Variants in COL5A2 observed in about 807,000 individuals in gnomAD.
COL5A2 encodes collagen type V alpha 2 chain.
COL5A2 carries 23 observed loss-of-function variants against 208.2 expected under a neutral mutation model. That is an observed-to-expected ratio of 0.11 (90% confidence interval 0.08 to 0.16). The LOEUF is 0.16. COL5A2 is among the 10% of genes least tolerant of loss of function. The probability of loss-of-function intolerance (pLI) is 1.00; values close to 1 mark genes in which losing one functional copy is unlikely to be tolerated. For synonymous variants in COL5A2, 625 were observed against 628.5 expected (o/e 0.99, Z 0.08); for missense variants, 1,590 against 1,956.4 (o/e 0.81, Z 3.53).
At chr2:189,228,811 T>C (rs1398251091), upstream of COL5A2, among the ~76,000 whole-genome samples, 1 of 151,890 alleles carries the variant, frequency 6.6e-6, no homozygotes, top group African/African-American at 2.4e-5. Context: ...ACCCGTTTTA[T>C]GAAGCCAGCA....
chr2:189,222,017 T>G (rs939535795), intron 1 of COL5A2, among the ~76,000 whole-genome samples: 3 of 152,020 alleles, frequency 2.0e-5, no homozygotes, highest in Admixed American at 1.3e-4. Flanking sequence ...GTCACAGGCC[T>G]GAGGCCTCAA....
chr2:189,406,178 T>C, the COL5A2 span, among the ~76,000 whole-genome samples: 15 of 152,192 alleles, frequency 9.9e-5, no homozygotes, highest in Non-Finnish European at 1.8e-4. Flanking sequence ...CAGAAAAATA[T>C]CATTATCAAA....
the COL5A2 span, among the ~76,000 whole-genome samples, chr2:189,293,176 G>A: frequency 6.6e-6 from 1 of 151,922 alleles, no homozygotes; most frequent in Non-Finnish European, 1.5e-5. Context: ...AATGGGTGCA[G>A]CACACCAGCA....
chr2:189,077,016 T>C lies in COL5A2; in HGVS notation c.1059+1500A>G, dbSNP rs141756802. Among the ~76,000 whole-genome samples, 7 of 152,184 alleles carry C rather than the reference T, an allele frequency of 4.6e-5. No homozygotes were observed. The East Asian group carries it at 1.4e-3, about 29-fold the overall frequency. On this transcript the variant is annotated intron_variant, in intron 16 of 53. Transcript: ENST00000374866. ...AGGAGTTCAAGGCTACAGTGAGCTATGATTGTGCCACTGCCCTGTAGCCTG... is the reference window on the plus strand; with the variant it reads ...AGGAGTTCAAGGCTACAGTGAGCTACGATTGTGCCACTGCCCTGTAGCCTG...
chr2:189,341,987 T>A, the COL5A2 span, among the ~76,000 whole-genome samples: 2 of 152,134 alleles, frequency 1.3e-5, no homozygotes, highest in Non-Finnish European at 2.9e-5. Context: ...CTCAAATTAT[T>A]GATTGAACTG....
At chr2:189,372,315 C>A in the COL5A2 span, among the ~76,000 whole-genome samples, 1 of 152,058 alleles carries the variant, frequency 6.6e-6, no homozygotes, top group Non-Finnish European at 1.5e-5. Context: ...CCAGTAGTAC[C>A]GGATGATCAT....
At chr2:189,037,833 T>C (rs1685474048) in intron 51 of COL5A2, among the ~76,000 whole-genome samples, 1 of 152,200 alleles carries the variant, frequency 6.6e-6, no homozygotes, top group Non-Finnish European at 1.5e-5. Flanking sequence ...TCCAGCAATA[T>C]GTTAACATTA....
chr2:189,169,577 T>C (rs555940778), intron 1 of COL5A2, among the ~76,000 whole-genome samples: 1 of 152,326 alleles, frequency 6.6e-6, no homozygotes, highest in Non-Finnish European at 1.5e-5. Flanking sequence ...GAATAAAATA[T>C]AAAAATTGCA....
At position 189,054,220 on chromosome 2, in the gene COL5A2, T is replaced by G; in HGVS notation, c.2392-8A>C. ...CAAAGGACCTGGAAGACCCTGTCAA[T>G]TAACAGAACATAGGCATATTGAGGT... On this transcript the variant is annotated splice_region_variant and splice_polypyrimidine_tract_variant and intron_variant, in intron 35 of 53. Transcript: ENST00000374866. 1 of 1,612,246 alleles carries G rather than the reference T, an allele frequency of 6.2e-7. No individual in the cohort carries two copies. Among genetic ancestry groups the G allele is most frequent in the South Asian group, 1.1e-5 (1 of 91,070 alleles).
chr2:189,110,488 A>C, intron 1 of COL5A2, 39 bp from the exon 2 acceptor site: 1 of 1,572,992 alleles, frequency 6.4e-7, no homozygotes. Flanking sequence ...GTAATCTGAA[A>C]TTATAGAATT....
Position 189,060,792 on chromosome 2 carries a change from A to G in COL5A2, c.2032-9T>C. 1 of 1,611,246 alleles carries G rather than the reference A, an allele frequency of 6.2e-7. No individual in the cohort carries two copies. The highest frequency in any genetic ancestry group is 8.5e-7 in the Non-Finnish European group (1 of 1,177,478). ...GGAGGACCAGGAAGCCCCTAAAACA[A>G]AAGTAAGAAAATAAAATTGTGAATC... is the stretch of plus-strand genomic sequence containing the variant. On this transcript the variant is annotated splice_polypyrimidine_tract_variant and intron_variant, in intron 30 of 53. Transcript: ENST00000374866.
At chr2:189,375,180 C>T in the COL5A2 span, among the ~76,000 whole-genome samples, 6 of 151,894 alleles carry the variant, frequency 4.0e-5, no homozygotes, top group African/African-American at 1.5e-4. Flanking sequence ...CAAAGCCTGG[C>T]TAATTTTTTT....
intron 1 of COL5A2, among the ~76,000 whole-genome samples, chr2:189,175,796 G>A (rs1003723007): frequency 3.9e-5 from 6 of 152,114 alleles, no homozygotes; most frequent in Admixed American, 3.3e-4. Context: ...CAGGTGATCC[G>A]CCCACCTCGG....
At position 189,179,604 on chromosome 2, in the gene COL5A2, TG is replaced by T; in HGVS notation, c.-1del. 1 of 1,602,126 alleles carries T rather than the reference TG, an allele frequency of 6.2e-7. No homozygotes were observed. The highest frequency in any genetic ancestry group is 1.1e-5 in the South Asian group (1 of 89,400). On this transcript the variant is annotated 5_prime_UTR_variant, in exon 1 of 54. Transcript: ENST00000374866. The stretch of plus-strand genomic sequence containing the variant: ...CTTGCTTCCGCCCAGTTTGCCATCA[TG>T]TCTAAATATTAGACATGTGGGTTCT...
intron 16 of COL5A2, among the ~76,000 whole-genome samples, chr2:189,076,600 C>T (rs1180739061): frequency 6.6e-6 from 1 of 152,100 alleles, no homozygotes; most frequent in East Asian, 1.9e-4. Flanking sequence ...TATTTTAATT[C>T]TCATCTGCAA....
intron 1 of COL5A2, among the ~76,000 whole-genome samples, chr2:189,186,420 T>C: frequency 6.6e-6 from 1 of 152,206 alleles, no homozygotes; most frequent in East Asian, 1.9e-4. Context: ...TATTAAGTAC[T>C]TACTATGTCA....
chr2:189,066,541 C>T, intron 22 of COL5A2, 44 bp from the exon 23 acceptor site: 1 of 1,574,404 alleles, frequency 6.4e-7, no homozygotes, highest in Non-Finnish European at 8.7e-7. Flanking sequence ...CCCATCCAAC[C>T]AGTGAATTAT....
At chr2:189,286,363 G>T in the COL5A2 span, among the ~76,000 whole-genome samples, 1 of 152,158 alleles carries the variant, frequency 6.6e-6, no homozygotes, top group African/African-American at 2.4e-5. Context: ...ACCAAAAGAA[G>T]ATGAAGAAAT....
upstream of COL5A2, among the ~76,000 whole-genome samples, chr2:189,229,415 T>C (rs1467553993): frequency 6.8e-6 from 1 of 147,130 alleles, no homozygotes; most frequent in Non-Finnish European, 1.5e-5. Flanking sequence ...TCCTGAAGAT[T>C]GCACACACAC....
Sources: allele counts gnomAD v4.1 joint callset (sites outside exome capture counted in the v4.1 genomes callset), GRCh38; gene constraint gnomAD v4.1.1; transcripts MANE v1.5; gene names NCBI Gene and HGNC (gene_info 2026-07-23, HGNC 2026-07-21).